The following ZNF718 variants were observed in gnomAD, a reference collection of about 807,000 sequenced individuals.
The protein encoded by ZNF718 is zinc finger protein 718.
A neutral mutation model predicts 2.6 loss-of-function variants in ZNF718; 3 were observed. That is an observed-to-expected ratio of 1.16 (90% confidence interval 0.53 to 3.01). The LOEUF is 3.01. Among genes scored for constraint, ZNF718 ranks in the 30% most tolerant of loss-of-function variants. The probability of loss-of-function intolerance (pLI) is 0.03; values close to 1 mark genes in which losing one functional copy is unlikely to be tolerated. For synonymous variants in ZNF718, 135 were observed against 77.9 expected (o/e 1.73, Z -3.86); for missense variants, 468 against 230.0 (o/e 2.03, Z -6.69).
At chr4:185,896 G>C (rs1403887715) in intron 3 of ZNF718, among the ~76,000 whole-genome samples, 1 of 152,090 alleles carries the variant, frequency 6.6e-6, no homozygotes, top group African/African-American at 2.4e-5. Flanking sequence ...GTCTTTGCTT[G>C]TGAGATGGGT....
chr4:141,735 T>C (rs1352683389), intron 3 of ZNF718, among the ~76,000 whole-genome samples: 3 of 152,228 alleles, frequency 2.0e-5, no homozygotes, highest in African/African-American at 4.8e-5. Context: ...TATTATGTTA[T>C]TATAAACTGC....
chr4:164,588 T>A (rs1008266305), downstream of ZNF718, among the ~76,000 whole-genome samples: 5 of 152,140 alleles, frequency 3.3e-5, no homozygotes, highest in Non-Finnish European at 5.9e-5. Flanking sequence ...TTGTGTGAGC[T>A]GGTCAGAAAT....
chr4:145,072 T>C lies in ZNF718; in HGVS notation c.226+13567T>C, dbSNP rs1446033707. Reference sequence around the variant, plus strand: ...AGTGTGGGAATAATGATACTAACCCTTTCATGAGAGTAGAGCTCTCATAAC... The same window carrying C: ...AGTGTGGGAATAATGATACTAACCCCTTCATGAGAGTAGAGCTCTCATAAC... On this transcript the variant is annotated intron_variant, in intron 3 of 3. Transcript: ENST00000510175. Among the ~76,000 whole-genome samples the C allele has an allele frequency of 2.0e-5, 3 of 151,638 alleles. No individual in the cohort carries two copies. The East Asian group carries it at 5.8e-4, about 29-fold the overall frequency.
Position 163,954 on chromosome 4 carries a change from A to G in ZNF718, c.*1832A>G, listed in dbSNP as rs1364928629. 1 of 152,102 alleles carries G rather than the reference A, an allele frequency of 6.6e-6. No individual in the cohort carries two copies. The highest frequency in any genetic ancestry group is 2.4e-5 in the African/African-American group (1 of 41,452). The allele number at this position is 152,102 out of a possible 1,614,324, so 9.4% of individuals were successfully genotyped here. On this transcript the variant is annotated 3_prime_UTR_variant, in exon 4 of 4. Transcript: ENST00000510175. ...CTTTGATACAGACATGCAACATGTA[A>G]TCACATCAGAGTAAATGAGTTATTC... is the stretch of plus-strand genomic sequence containing the variant.
chr4:182,643 G>A (rs1553820008), intron 3 of ZNF718, among the ~76,000 whole-genome samples: 1 of 151,978 alleles, frequency 6.6e-6, no homozygotes, highest in Non-Finnish European at 1.5e-5. Context: ...CATGTGGCCA[G>A]GCTGGTGTTG....
chr4:159,193 A>G (rs1367617033), intron 3 of ZNF718, among the ~76,000 whole-genome samples: 1 of 151,492 alleles, frequency 6.6e-6, no homozygotes, highest in East Asian at 1.9e-4. Flanking sequence ...TGTGCACCAC[A>G]CCTGGCTAAT....
intron 3 of ZNF718, among the ~76,000 whole-genome samples, chr4:176,274 C>G (rs1717344696): frequency 1.3e-5 from 2 of 152,172 alleles, no homozygotes; most frequent in South Asian, 2.1e-4. Flanking sequence ...TCAAGCCCAA[C>G]TTAGTTTCAC....
chr4:137,198 T>C (rs1004385714), intron 3 of ZNF718, among the ~76,000 whole-genome samples: 2 of 152,118 alleles, frequency 1.3e-5, no homozygotes, highest in Non-Finnish European at 2.9e-5. Flanking sequence ...CTGCTATGCT[T>C]CCTGTACAGC....
intron 3 of ZNF718, among the ~76,000 whole-genome samples, chr4:188,288 G>A (rs781912524): frequency 1.3e-5 from 2 of 152,198 alleles, no homozygotes; most frequent in Admixed American, 6.5e-5. Flanking sequence ...CCATATCTTG[G>A]TAAAACAGCT....
At chr4:189,622 C>G (rs2108815903) in intron 3 of ZNF718, among the ~76,000 whole-genome samples, 1 of 152,144 alleles carries the variant, frequency 6.6e-6, no homozygotes, top group Non-Finnish European at 1.5e-5. Flanking sequence ...ATTTATTTTT[C>G]TAGTATAGTT....
intron 3 of ZNF718, among the ~76,000 whole-genome samples, chr4:178,561 T>C (rs1428668182): frequency 1.3e-5 from 2 of 152,144 alleles, no homozygotes; most frequent in African/African-American, 4.8e-5. Flanking sequence ...CATTGATTCC[T>C]TTTGTGTGTT....
chr4:169,940 C>T (rs1287563671), intron 3 of ZNF718, among the ~76,000 whole-genome samples: 6 of 151,764 alleles, frequency 4.0e-5, no homozygotes, highest in Non-Finnish European at 7.4e-5. Flanking sequence ...TTCTTCCTAG[C>T]ATCGATGGTC....
chr4:189,787 G>A (rs1349451107), intron 3 of ZNF718, among the ~76,000 whole-genome samples: 7 of 152,180 alleles, frequency 4.6e-5, no homozygotes, highest in Admixed American at 2.6e-4. Flanking sequence ...GCAGGTCTTA[G>A]AAGTTCCATT....
intron 3 of ZNF718, among the ~76,000 whole-genome samples, chr4:189,314 A>T (rs1414562780): frequency 6.6e-6 from 1 of 152,086 alleles, no homozygotes; most frequent in African/African-American, 2.4e-5. Context: ...ATACAGTTTT[A>T]AAAATTTCTT....
At chr4:143,222 GTC>G (rs1406532254) in intron 3 of ZNF718, among the ~76,000 whole-genome samples, 1 of 152,186 alleles carries the variant, frequency 6.6e-6, no homozygotes, top group Admixed American at 6.5e-5. Flanking sequence ...TTGAGACGGA[GTC>G]TCTGTCACCC....
intron 3 of ZNF718, among the ~76,000 whole-genome samples, chr4:135,252 A>AG (rs1374147479): frequency 6.6e-6 from 1 of 151,604 alleles, no homozygotes; most frequent in African/African-American, 2.4e-5. Flanking sequence ...AAAAAAAAAA[A>AG]AAAAAGTTTA....
intron 3 of ZNF718, among the ~76,000 whole-genome samples, chr4:175,813 A>G (rs1717333284): frequency 1.3e-5 from 2 of 150,824 alleles, no homozygotes; most frequent in South Asian, 4.2e-4. Flanking sequence ...CATAATCTGA[A>G]TAGTGGTCTC....
intron 3 of ZNF718, among the ~76,000 whole-genome samples, chr4:137,789 T>C (rs1553809613): frequency 2.0e-5 from 3 of 152,176 alleles, no homozygotes; most frequent in African/African-American, 7.2e-5. Flanking sequence ...TAAATGTTTA[T>C]TTTAATGTTC....
At position 160,456 on chromosome 4, in the gene ZNF718, G is replaced by C. The variant is rs1034076961; in HGVS notation, c.227-456G>C. ...TGTCTGTAAAGAAATTATGGCCTGT[G>C]GTATTTACTGAGCATCTTACTGATA... On this transcript the variant is annotated intron_variant, in intron 3 of 3. Transcript: ENST00000510175. 4.6e-5 allele frequency among the ~76,000 whole-genome samples: 7 copies of C among 152,012 alleles called. 1 individual carries two copies. Among genetic ancestry groups the C allele is most frequent in the Admixed American group, 3.9e-4 (6 of 15,262 alleles).
Sources: allele counts gnomAD v4.1 joint callset (sites outside exome capture counted in the v4.1 genomes callset), GRCh38; gene constraint gnomAD v4.1.1; transcripts MANE v1.5; gene names NCBI Gene and HGNC (gene_info 2026-07-23, HGNC 2026-07-21).